Variants in WWOX observed in about 807,000 individuals in gnomAD.
WWOX encodes WW domain-containing oxidoreductase.
A neutral mutation model predicts 46.2 loss-of-function variants in WWOX; 69 were observed. The ratio of observed to expected loss-of-function variants is 1.49; its 90% CI spans 1.23 to 1.82. WWOX has a LOEUF of 1.82. Among genes scored for constraint, WWOX ranks in the 40% most tolerant of loss-of-function variants. The probability of loss-of-function intolerance (pLI) is 0.00; values close to 1 mark genes in which losing one functional copy is unlikely to be tolerated. For missense variants in WWOX, 919 were observed against 542.6 expected, an observed-to-expected ratio of 1.69 and a Z score of -6.89; for synonymous variants, 359 against 202.6, an observed-to-expected ratio of 1.77 and a Z score of -6.56.
intron 8 of WWOX, among the ~76,000 whole-genome samples, chr16:78,947,648 C>T (rs560051639): frequency 2.0e-5 from 3 of 152,140 alleles, no homozygotes; most frequent in African/African-American, 4.8e-5. Context: ...CGTAATAAGC[C>T]GGAGGATAAT....
chr16:78,644,753 G>A (rs1358937860), intron 8 of WWOX, among the ~76,000 whole-genome samples: 1 of 152,206 alleles, frequency 6.6e-6, no homozygotes, highest in Non-Finnish European at 1.5e-5. Flanking sequence ...GTGAGCCACT[G>A]TGCCCAGCCA....
At chr16:78,555,440 G>C (rs2044271105) in intron 8 of WWOX, among the ~76,000 whole-genome samples, 1 of 152,160 alleles carries the variant, frequency 6.6e-6, no homozygotes, top group Admixed American at 6.5e-5. Context: ...TGTGGCTTTA[G>C]GTAAATTACT....
At chr16:79,119,729 T>A (rs930204753) in intron 8 of WWOX, among the ~76,000 whole-genome samples, 1 of 152,192 alleles carries the variant, frequency 6.6e-6, no homozygotes, top group African/African-American at 2.4e-5. Flanking sequence ...GAGAACTGTT[T>A]GGTTTGAATC....
At chr16:78,202,950 A>T (rs955537548) in intron 5 of WWOX, among the ~76,000 whole-genome samples, 1 of 152,198 alleles carries the variant, frequency 6.6e-6, no homozygotes, top group Non-Finnish European at 1.5e-5. Context: ...AAAACAGAAA[A>T]TAAAAACATG....
intron 8 of WWOX, among the ~76,000 whole-genome samples, chr16:78,937,448 C>CTT (rs537642648): frequency 0.012 from 1,012 of 81,966 alleles, 117 homozygotes; most frequent in African/African-American, 0.049. Context: ...TTTGTATTAA[C>CTT]TTTTTTTTTT....
intron 5 of WWOX, among the ~76,000 whole-genome samples, chr16:78,315,745 G>A (rs945250619): frequency 6.6e-6 from 1 of 152,084 alleles, no homozygotes; most frequent in Non-Finnish European, 1.5e-5. Context: ...TACACTGTCT[G>A]GTTCATCCTT....
At position 78,102,420 on chromosome 16, in the gene WWOX, G is replaced by C. The variant is rs1597195688; in HGVS notation, c.107+2535G>C. Among the ~76,000 whole-genome samples, 3 of 152,220 alleles carry C rather than the reference G, an allele frequency of 2.0e-5. No individual in the cohort carries two copies. The South Asian group carries it at 6.2e-4, about 32-fold the overall frequency. ...CCGAGAAGCTTGGGCTCTGTTGGCAGAGCCAGAGAGTGGCATTCATTCAGC... is the reference window on the plus strand; with the variant it reads ...CCGAGAAGCTTGGGCTCTGTTGGCACAGCCAGAGAGTGGCATTCATTCAGC... On this transcript the variant is annotated intron_variant, in intron 1 of 8. Transcript: ENST00000566780.
chr16:78,714,678 G>C (rs534737192), intron 8 of WWOX, among the ~76,000 whole-genome samples: 2 of 152,298 alleles, frequency 1.3e-5, no homozygotes, highest in Admixed American at 1.3e-4. Flanking sequence ...CTGGTAGTAA[G>C]AAGCAGTGTA....
chr16:79,063,085 G>T (rs554202101), intron 8 of WWOX, among the ~76,000 whole-genome samples: 5 of 152,156 alleles, frequency 3.3e-5, no homozygotes, highest in Admixed American at 1.3e-4. Context: ...AGTTGGTGCC[G>T]CGCCAAATCT....
intron 8 of WWOX, among the ~76,000 whole-genome samples, chr16:78,777,851 C>G (rs573595995): frequency 6.6e-6 from 1 of 152,040 alleles, no homozygotes; most frequent in East Asian, 2.0e-4. Context: ...TCAAGAGCAT[C>G]CCGGCCAGCA....
intron 8 of WWOX, among the ~76,000 whole-genome samples, chr16:78,986,613 G>C (rs2046789598): frequency 6.6e-6 from 1 of 152,156 alleles, no homozygotes; most frequent in Non-Finnish European, 1.5e-5. Flanking sequence ...GTCACTGGCG[G>C]ACATCACTCA....
Position 78,761,094 on chromosome 16 carries a change from G to A in WWOX, c.1056+328342G>A, listed in dbSNP as rs969583021. ...TTATGGGAGCTACAATTCAAGATGC[G>A]ATTTGGGTGGGGACAGAGCCAAACC... On this transcript the variant is annotated intron_variant, in intron 8 of 8. Coordinates refer to ENST00000566780, the MANE Select transcript of WWOX (RefSeq NM_016373.4). Among the ~76,000 whole-genome samples the A allele has an allele frequency of 3.9e-5, 6 of 152,188 alleles. No homozygotes were observed. In the South Asian group the frequency reaches 1.2e-3, roughly 31 times the overall value.
In WWOX at chr16:78,404,252, C is replaced by T. The variant is rs186925372; in HGVS notation, c.605+17304C>T. Among the ~76,000 whole-genome samples, 280 of 152,152 alleles carry T rather than the reference C, an allele frequency of 1.8e-3. 3 individuals are homozygous for T. In the South Asian group the frequency reaches 0.022, roughly 12 times the overall value. On this transcript the variant is annotated intron_variant, in intron 6 of 8. Transcript: ENST00000566780. ...TGTGATCTTAGTGTGATGAAAGATG[C>T]TGGGAGATTTCACCAGTGGTATCTT...
chr16:78,261,084 G>GT (rs990658834), intron 5 of WWOX, among the ~76,000 whole-genome samples: 20 of 150,272 alleles, frequency 1.3e-4, no homozygotes, highest in Non-Finnish European at 2.5e-4. Context: ...GATATTCGAA[G>GT]TTTTTTTTTG....
At chr16:78,224,642 C>A (rs552939534) in intron 5 of WWOX, among the ~76,000 whole-genome samples, 2 of 152,130 alleles carry the variant, frequency 1.3e-5, no homozygotes, top group African/African-American at 4.8e-5. Context: ...TTTTGTAGTA[C>A]ACACCAGTGA....
chr16:79,198,307 C>T (rs765401545), intron 8 of WWOX, among the ~76,000 whole-genome samples: 1 of 152,142 alleles, frequency 6.6e-6, no homozygotes, highest in Non-Finnish European at 1.5e-5. Flanking sequence ...CACTGTACTC[C>T]AGCCTGAGTG....
At chr16:79,036,054 C>G (rs151032098) in intron 8 of WWOX, among the ~76,000 whole-genome samples, 1 of 152,234 alleles carries the variant, frequency 6.6e-6, no homozygotes, top group Non-Finnish European at 1.5e-5. Context: ...CCTCTGTGGT[C>G]TCTCTGTGGT....
At chr16:79,018,907 T>A (rs2047471670) in intron 8 of WWOX, among the ~76,000 whole-genome samples, 1 of 151,614 alleles carries the variant, frequency 6.6e-6, no homozygotes, top group Non-Finnish European at 1.5e-5. Context: ...TCCCAACACT[T>A]TGGGAGGATA....
intron 5 of WWOX, among the ~76,000 whole-genome samples, chr16:78,242,434 CTGAT>C (rs1489047724): frequency 6.6e-6 from 1 of 152,210 alleles, no homozygotes; most frequent in Non-Finnish European, 1.5e-5. Context: ...TCGGGCAACA[CTGAT>C]TGAGCACTGC....
Sources: allele counts gnomAD v4.1 joint callset (sites outside exome capture counted in the v4.1 genomes callset), GRCh38; gene constraint gnomAD v4.1.1; transcripts MANE v1.5; gene names NCBI Gene and HGNC (gene_info 2026-07-23, HGNC 2026-07-21).